NXPH1: variants seen among roughly 807,000 people sequenced by gnomAD.
NXPH1 encodes neurexophilin 1.
In NXPH1, 5 loss-of-function variants were observed where a neutral mutation model predicts 23.7. The observed-to-expected ratio is 0.21, with a 90% CI of 0.11 to 0.44. NXPH1 has a LOEUF of 0.44. NXPH1 is among the 20% of genes least tolerant of loss of function. The probability of loss-of-function intolerance (pLI) is 0.99; values close to 1 mark genes in which losing one functional copy is unlikely to be tolerated. For missense variants in NXPH1, 324 were observed against 321.6 expected, an observed-to-expected ratio of 1.01 and a Z score of -0.06; for synonymous variants, 144 against 122.2, an observed-to-expected ratio of 1.18 and a Z score of -1.18.
intron 2 of NXPH1, among the ~76,000 whole-genome samples, chr7:8,696,892 C>G (rs1779532706): frequency 6.7e-6 from 1 of 148,548 alleles, no homozygotes; most frequent in Non-Finnish European, 1.5e-5. Flanking sequence ...GCCTATTATC[C>G]CAGCACTTTG....
chr7:8,562,546 C>A (rs1818464615), intron 2 of NXPH1, among the ~76,000 whole-genome samples: 1 of 150,720 alleles, frequency 6.6e-6, no homozygotes, highest in African/African-American at 2.4e-5. Flanking sequence ...TTTCTTTAAA[C>A]CGTAACTTTC....
intron 2 of NXPH1, among the ~76,000 whole-genome samples, chr7:8,679,819 G>C (rs575863045): frequency 6.6e-6 from 1 of 152,284 alleles, no homozygotes; most frequent in African/African-American, 2.4e-5. Context: ...TCAGGAGTTC[G>C]AGACCAGCCT....
At chr7:8,478,447 T>C (rs1265047302) in intron 2 of NXPH1, among the ~76,000 whole-genome samples, 1 of 151,948 alleles carries the variant, frequency 6.6e-6, no homozygotes, top group African/African-American at 2.4e-5. Flanking sequence ...AATGGATAAT[T>C]CCTTAAAAGA....
chr7:8,652,502 T>C (rs1820505342), intron 2 of NXPH1, among the ~76,000 whole-genome samples: 1 of 152,188 alleles, frequency 6.6e-6, no homozygotes, highest in African/African-American at 2.4e-5. Flanking sequence ...TTACATGATA[T>C]AACAAATTTT....
chr7:8,491,692 C>T (rs1243741149), intron 2 of NXPH1, among the ~76,000 whole-genome samples: 4 of 152,006 alleles, frequency 2.6e-5, no homozygotes, highest in African/African-American at 4.8e-5. Context: ...ATAGGTACCA[C>T]CACGGACTGT....
intron 2 of NXPH1, among the ~76,000 whole-genome samples, chr7:8,567,771 C>T (rs999799640): frequency 6.6e-6 from 1 of 151,720 alleles, no homozygotes; most frequent in African/African-American, 2.4e-5. Context: ...TTCTTATAAT[C>T]GACCTAAATA....
chr7:8,752,338 C>A lies in NXPH1; in HGVS notation c.*569C>A, dbSNP rs1477615007. 1 of 153,016 alleles carries A rather than the reference C, an allele frequency of 6.5e-6. No homozygotes were observed. Among genetic ancestry groups the A allele is most frequent in the African/African-American group, 2.4e-5 (1 of 41,414 alleles). 9.5% of individuals were successfully genotyped at this position (153,016 alleles called of 1,614,324 possible). On this transcript the variant is annotated 3_prime_UTR_variant, in exon 3 of 3. Coordinates refer to ENST00000405863, the MANE Select transcript of NXPH1 (RefSeq NM_152745.3). ...CTCAGTATTCTTTATTTTACAAACACAACAAAATGTAGTAACTTTTTTCCA... is the reference window on the plus strand; with the variant it reads ...CTCAGTATTCTTTATTTTACAAACAAAACAAAATGTAGTAACTTTTTTCCA...
At chr7:8,714,812 A>G (rs986113224) in intron 2 of NXPH1, among the ~76,000 whole-genome samples, 1 of 152,098 alleles carries the variant, frequency 6.6e-6, no homozygotes, top group Non-Finnish European at 1.5e-5. Flanking sequence ...GCTGGTATCC[A>G]AGTTGCATGA....
chr7:8,697,768 A>C (rs7786015), intron 2 of NXPH1, among the ~76,000 whole-genome samples: 4 of 152,000 alleles, frequency 2.6e-5, no homozygotes, highest in African/African-American at 9.7e-5. Context: ...TCTCAGGCAA[A>C]CATGTTCCAG....
At chr7:8,547,549 T>G (rs6969718) in intron 2 of NXPH1, among the ~76,000 whole-genome samples, 56,160 of 151,118 alleles carry the variant, frequency 0.37, 11,959 homozygotes, top group African/African-American at 0.57. Flanking sequence ...CATGGGTATA[T>G]TGCATACCGA....
At chr7:8,515,371 C>G (rs1817671256) in intron 2 of NXPH1, among the ~76,000 whole-genome samples, 1 of 151,908 alleles carries the variant, frequency 6.6e-6, no homozygotes. Flanking sequence ...GTATGCTGCT[C>G]CAAAGGCTAA....
At chr7:8,455,575 C>T (rs1771955755) in intron 2 of NXPH1, among the ~76,000 whole-genome samples, 1 of 152,140 alleles carries the variant, frequency 6.6e-6, no homozygotes, top group Non-Finnish European at 1.5e-5. Context: ...TCTGCACAGC[C>T]TCGTGGCCTG....
intron 2 of NXPH1, among the ~76,000 whole-genome samples, chr7:8,724,777 A>C (rs999721248): frequency 3.9e-5 from 6 of 152,198 alleles, no homozygotes; most frequent in Non-Finnish European, 8.8e-5. Flanking sequence ...AACTTTTCTT[A>C]ACAGAATCTA....
chr7:8,700,648 T>C (rs1779610991), intron 2 of NXPH1, among the ~76,000 whole-genome samples: 1 of 152,170 alleles, frequency 6.6e-6, no homozygotes, highest in African/African-American at 2.4e-5. Context: ...CCTTCTTAAA[T>C]AGTTTTCGTT....
intron 2 of NXPH1, among the ~76,000 whole-genome samples, chr7:8,496,362 G>C (rs1405531750): frequency 6.6e-6 from 1 of 151,946 alleles, no homozygotes; most frequent in African/African-American, 2.4e-5. Flanking sequence ...GGAGAAAGAA[G>C]GCAGAAATTT....
chr7:8,577,952 G>A (rs908357881), intron 2 of NXPH1, among the ~76,000 whole-genome samples: 1 of 152,174 alleles, frequency 6.6e-6, no homozygotes, highest in Non-Finnish European at 1.5e-5. Context: ...CCCTATGCAA[G>A]CCTTCAGATG....
chr7:8,641,462 C>T (rs901739169), intron 2 of NXPH1, among the ~76,000 whole-genome samples: 1 of 151,156 alleles, frequency 6.6e-6, no homozygotes, highest in Non-Finnish European at 1.5e-5. Context: ...TTTTTTTTTC[C>T]TGGAGAGCAA....
At chr7:8,449,815 G>A (rs1269235250) in intron 2 of NXPH1, among the ~76,000 whole-genome samples, 1 of 152,192 alleles carries the variant, frequency 6.6e-6, no homozygotes, top group Non-Finnish European at 1.5e-5. Flanking sequence ...ACTGGGGTCT[G>A]CCTAAATTGC....
chr7:8,651,168 T>A (rs1331422130), intron 2 of NXPH1, among the ~76,000 whole-genome samples: 2 of 149,060 alleles, frequency 1.3e-5, no homozygotes, highest in African/African-American at 5.0e-5. Flanking sequence ...TTCCCCTTCC[T>A]GTGTCCATGT....
Sources: gnomAD v4.1 joint callset for allele counts (sites outside exome capture counted in the v4.1 genomes callset) on GRCh38, gnomAD v4.1.1 for gene constraint, MANE v1.5 for transcripts, NCBI Gene and HGNC (gene_info 2026-07-23, HGNC 2026-07-21) for gene names.